The following RIPOR3 variants were observed in gnomAD, a reference collection of about 807,000 sequenced individuals.
RIPOR3 encodes the protein family with sequence similarity 65 member C.
RIPOR3 carries 95 observed loss-of-function variants against 114.3 expected under a neutral mutation model. That is an observed-to-expected ratio of 0.83 (90% CI 0.70 to 0.99). The LOEUF is 0.99. RIPOR3 is among the 50% of genes least tolerant of loss of function. The pLI is 0.00. For missense variants in RIPOR3, 1,252 were observed against 1,266.9 expected, an observed-to-expected ratio of 0.99 and a Z score of 0.18; for synonymous variants, 575 against 543.8, an observed-to-expected ratio of 1.06 and a Z score of -0.80.
At chr20:50,594,870 G>A in intron 16 of RIPOR3, 156 bp from the exon 17 acceptor site, 2 of 797,450 alleles carry the variant, frequency 2.5e-6, no homozygotes, top group Non-Finnish European at 3.8e-6. Flanking sequence ...TGTGACACGT[G>A]AGCAACTTTG....
intron 1 of RIPOR3, among the ~76,000 whole-genome samples, chr20:50,671,523 A>G (rs1376548168): frequency 6.6e-6 from 1 of 152,248 alleles, no homozygotes; most frequent in African/African-American, 2.4e-5. Context: ...CCACATAGAA[A>G]AGAATTGAAA....
chr20:50,660,880 C>A (rs1455862735), intron 1 of RIPOR3, among the ~76,000 whole-genome samples: 1 of 151,266 alleles, frequency 6.6e-6, no homozygotes, highest in South Asian at 2.1e-4. Context: ...TCAGCACCCC[C>A]CACCTATGCC....
intron 1 of RIPOR3, among the ~76,000 whole-genome samples, chr20:50,674,063 G>C (rs1049966026): frequency 2.0e-5 from 3 of 152,174 alleles, no homozygotes; most frequent in Admixed American, 6.5e-5. Flanking sequence ...AGAACTCCAT[G>C]TTGGCCATTA....
chr20:50,646,944 T>C (rs1385221432), intron 1 of RIPOR3, among the ~76,000 whole-genome samples: 4 of 152,188 alleles, frequency 2.6e-5, no homozygotes, highest in Admixed American at 6.5e-5. Flanking sequence ...GCTTGCTTCA[T>C]AGGGGCTCAT....
Position 50,587,004 on chromosome 20 carries a change from C to T in RIPOR3, c.*228G>A, listed in dbSNP as rs1172691134. 15 of 522,734 alleles carry T rather than the reference C, an allele frequency of 2.9e-5. No individual in the cohort carries two copies. Among genetic ancestry groups the T allele is most frequent in the East Asian group, 9.5e-5 (3 of 31,562 alleles). 32.4% of individuals were successfully genotyped at this position (522,734 alleles called of 1,614,324 possible). A position where few individuals can be genotyped will look rare whatever the true frequency, so the allele number is the denominator to read the frequency against. ...CAGAAGTTGAGCGCTCTGTTGAGGC[C>T]GTGCAGCCCCTGGAATGCTGTACCT... On this transcript the variant is annotated 3_prime_UTR_variant, in exon 22 of 22. Coordinates refer to ENST00000327979, the MANE Select transcript of RIPOR3 (RefSeq NM_001290268.2).
Position 50,608,736 on chromosome 20 carries a change from C to G in RIPOR3, c.687G>C (p.Val229=). 6.2e-7 allele frequency: 1 copy of G among 1,613,976 alleles called. No individual in the cohort carries two copies. Among genetic ancestry groups the G allele is most frequent in the Non-Finnish European group, 8.5e-7 (1 of 1,179,900 alleles). ...AACGCTGGCGGCCCAGACGCATGAG[C>G]ACCTGTGAACCAGCCCGAGAGGGGC... is the stretch of plus-strand genomic sequence containing the variant. ...ARLCPGDHYE[V]LMRLGRQRWK... The change falls in exon 10 of 22, where the codon GTG becomes GTC. Residue 229 remains valine, a splice_region_variant and synonymous_variant. Transcript: ENST00000327979.
chr20:50,660,668 C>T (rs2085960779), intron 1 of RIPOR3, among the ~76,000 whole-genome samples: 1 of 151,748 alleles, frequency 6.6e-6, no homozygotes, highest in African/African-American at 2.4e-5. Flanking sequence ...ATCCAAATCA[C>T]AGCACTACCC....
chr20:50,681,275 G>GAAAAAAAAAAA (rs34596961), intron 1 of RIPOR3, among the ~76,000 whole-genome samples: 13 of 135,118 alleles, frequency 9.6e-5, no homozygotes, highest in African/African-American at 3.3e-4. Context: ...TAAGGCACTA[G>GAAAAAAAAAAA]AAAAAAAAAA....
intron 2 of RIPOR3, among the ~76,000 whole-genome samples, chr20:50,628,568 T>C (rs140580101): frequency 3.7e-4 from 57 of 152,052 alleles, no homozygotes; most frequent in African/African-American, 1.3e-3. Flanking sequence ...CCCATGCCCC[T>C]GTCTCGTCAG....
intron 1 of RIPOR3, among the ~76,000 whole-genome samples, chr20:50,656,960 AG>A (rs2085832615): frequency 1.3e-5 from 2 of 152,346 alleles, no homozygotes; most frequent in South Asian, 4.1e-4. Context: ...TCTATGTTTG[AG>A]GCTCTGTCTT....
intron 1 of RIPOR3, among the ~76,000 whole-genome samples, chr20:50,650,503 C>T (rs542669982): frequency 4.6e-5 from 7 of 152,090 alleles, no homozygotes; most frequent in Non-Finnish European, 8.8e-5. Flanking sequence ...GAGATTTCAC[C>T]GTGTTGCTCA....
chr20:50,656,380 T>C (rs2085813603), intron 1 of RIPOR3, among the ~76,000 whole-genome samples: 1 of 152,116 alleles, frequency 6.6e-6, no homozygotes, highest in Non-Finnish European at 1.5e-5. Flanking sequence ...TCTTTGATTG[T>C]TGGGAGGAGT....
At chr20:50,607,659 G>C (rs932097057) in intron 11 of RIPOR3, among the ~76,000 whole-genome samples, 1 of 152,134 alleles carries the variant, frequency 6.6e-6, no homozygotes, top group Non-Finnish European at 1.5e-5. Context: ...CTACCAGACA[G>C]GTGAGGACCC....
intron 1 of RIPOR3, among the ~76,000 whole-genome samples, chr20:50,681,725 G>A (rs2086868670): frequency 1.3e-5 from 2 of 152,218 alleles, no homozygotes; most frequent in African/African-American, 4.8e-5. Context: ...CACGCGTTGA[G>A]AACCAGACCA....
Position 50,592,511 on chromosome 20 carries a change from C to A in RIPOR3, c.2410G>T (p.Ala804Ser). 1 of 1,607,522 alleles carries A rather than the reference C, an allele frequency of 6.2e-7. No homozygotes were observed. The highest frequency in any genetic ancestry group is 8.5e-7 in the Non-Finnish European group (1 of 1,176,586). ...CCCTGCAGCTTCCGGACCACCTTGG[C>A]CTGTCCCGCACAGTGAAGCTCCTCG... ...LIEELHCAGQ[A>S]KVVRKLQGKR... is the part of the protein sequence containing the mutation. Residue 804 changes from alanine to serine, a missense_variant, in exon 19 of 22, where the codon GCC (alanine) becomes TCC (serine). Coordinates refer to ENST00000327979, the MANE Select transcript of RIPOR3 (RefSeq NM_001290268.2).
chr20:50,620,676 T>A (rs974509570), intron 2 of RIPOR3: 3 of 154,906 alleles, frequency 1.9e-5, no homozygotes, highest in Admixed American at 8.0e-5. Flanking sequence ...AATAAATAAA[T>A]AAAAATAAGG....
At chr20:50,656,546 A>G (rs562346777) in intron 1 of RIPOR3, among the ~76,000 whole-genome samples, 22 of 152,052 alleles carry the variant, frequency 1.4e-4, no homozygotes, top group African/African-American at 5.3e-4. Flanking sequence ...CTCATTTTAG[A>G]GGCAGAGTCT....
Position 50,630,780 on chromosome 20 carries a change from G to A in RIPOR3, c.80C>T (p.Ala27Val). Residue 27 changes from alanine (A) to valine (V), a missense_variant, in exon 2 of 22, where the codon GCC becomes GTC. Physicochemically the swap from Ala to Val is moderately conservative, Grantham distance 64. Transcript: ENST00000327979. ...TGCACTGCTGAAGCCTGCGAAGGAG[G>A]CGCTCCGGCCCACGACCCCCACGGC... ...TGAVGVVGRS[A>V]SFAGFSSAQS... The A allele has an allele frequency of 6.2e-7, 1 of 1,612,426 alleles. No individual in the cohort carries two copies.
chr20:50,637,009 T>C, intron 1 of RIPOR3: 1 of 760,248 alleles, frequency 1.3e-6, no homozygotes, highest in Non-Finnish European at 1.6e-6. Context: ...ATAGCTCCTT[T>C]GGTTTCGCAT....
Sources: allele counts gnomAD v4.1 joint callset (sites outside exome capture counted in the v4.1 genomes callset), GRCh38; gene constraint gnomAD v4.1.1; transcripts MANE v1.5; gene names NCBI Gene and HGNC (gene_info 2026-07-23, HGNC 2026-07-21).